Variants in LGR6 observed in about 807,000 individuals in gnomAD.
The protein encoded by LGR6 is leucine-rich repeat-containing G protein-coupled receptor 6.
Under a neutral mutation model 69.4 loss-of-function variants are expected in LGR6, and 45 were observed. That is an observed-to-expected ratio of 0.65 (90% CI 0.51 to 0.83). The LOEUF (loss-of-function observed/expected upper bound fraction) is 0.83, where lower values mean the gene tolerates loss of function less well. LGR6 is among the 40% of genes least tolerant of loss of function. LGR6 has a pLI of 0.00. For synonymous variants in LGR6, 538 were observed against 555.0 expected, an observed-to-expected ratio of 0.97 and a Z score of 0.43; for missense variants, 1,108 against 1,246.7, an observed-to-expected ratio of 0.89 and a Z score of 1.68.
intron 1 of LGR6, among the ~76,000 whole-genome samples, chr1:202,223,822 C>T (rs1387081008): frequency 2.1e-5 from 2 of 97,530 alleles, no homozygotes; most frequent in Non-Finnish European, 4.2e-5. Flanking sequence ...GTCCTGTGGG[C>T]AAGTGTCCCA....
At chr1:202,316,521 G>A (rs570614293) in intron 17 of LGR6, among the ~76,000 whole-genome samples, 36 of 152,294 alleles carry the variant, frequency 2.4e-4, no homozygotes, top group African/African-American at 8.7e-4. Context: ...TTCAGCATGA[G>A]TTTTGGTGCA....
chr1:202,293,869 T>C (rs1027823042), intron 6 of LGR6, among the ~76,000 whole-genome samples: 9 of 152,240 alleles, frequency 5.9e-5, no homozygotes, highest in African/African-American at 2.2e-4. Flanking sequence ...TGTCTTTTGC[T>C]ACTGTCTGTT....
chr1:202,312,445 C>G (rs1653817121), intron 16 of LGR6, among the ~76,000 whole-genome samples: 3 of 152,230 alleles, frequency 2.0e-5, no homozygotes, highest in Admixed American at 2.0e-4. Context: ...CCGACCTGCC[C>G]TGATGGTGTC....
chr1:202,235,722 C>A (rs1661486320), intron 3 of LGR6, among the ~76,000 whole-genome samples, 200 bp from the exon 4 acceptor site: 1 of 152,122 alleles, frequency 6.6e-6, no homozygotes, highest in Non-Finnish European at 1.5e-5. Flanking sequence ...GCCCCATGTA[C>A]AACACCCCAG....
chr1:202,197,869 G>A (rs1335146170), intron 1 of LGR6, among the ~76,000 whole-genome samples: 1 of 152,216 alleles, frequency 6.6e-6, no homozygotes, highest in East Asian at 1.9e-4. Context: ...GGGCCCGCAA[G>A]GCTGAGCAGT....
intron 11 of LGR6, among the ~76,000 whole-genome samples, chr1:202,304,880 G>A (rs1298464301): frequency 6.6e-6 from 1 of 152,200 alleles, no homozygotes; most frequent in African/African-American, 2.4e-5. Flanking sequence ...TAACATGGGA[G>A]TCAATTTGTA....
chr1:202,309,087 G>A lies in LGR6; in HGVS notation c.1317G>A (p.Leu439=), dbSNP rs748065988. 4.2e-5 allele frequency: 67 copies of A among 1,613,996 alleles called. No homozygotes were observed. Among genetic ancestry groups the A allele is most frequent in the Non-Finnish European group, 3.4e-6 (4 of 1,180,002 alleles). ...ACAACCAGCTGACCACACTGCCCCT[G>A]GCTGGACTTGGGGGCTTGATGCATC... is the stretch of plus-strand genomic sequence containing the variant. ...LTDNQLTTLP[L]AGLGGLMHLK... The change falls in exon 15 of 18, where the codon CTG becomes CTA. Residue 439 remains leucine, a synonymous_variant. Coordinates refer to ENST00000367278, the MANE Select transcript of LGR6 (RefSeq NM_001017403.2).
At chr1:202,230,509 T>C (rs1398102792) in intron 3 of LGR6, among the ~76,000 whole-genome samples, 2 of 152,212 alleles carry the variant, frequency 1.3e-5, no homozygotes, top group Non-Finnish European at 1.5e-5. Context: ...AGGGAAGCCA[T>C]GGCTCCCTCT....
chr1:202,275,058 C>G (rs2148157519), intron 4 of LGR6, among the ~76,000 whole-genome samples: 1 of 152,296 alleles, frequency 6.6e-6, no homozygotes, highest in Non-Finnish European at 1.5e-5. Context: ...ACTGCTGGAC[C>G]TTCTACAAGG....
intron 4 of LGR6, among the ~76,000 whole-genome samples, chr1:202,244,242 C>G (rs1662461272): frequency 6.6e-6 from 1 of 152,210 alleles, no homozygotes; most frequent in African/African-American, 2.4e-5. Context: ...CAGGCTTGAG[C>G]CACCACGCCC....
At position 202,318,650 on chromosome 1, in the gene LGR6, G is replaced by A. The variant is rs911550150; in HGVS notation, c.2347G>A (p.Gly783Arg). The part of the protein sequence containing the change: ...RHVAWLIFAD[G>R]LLYCPVAFLS... ...CGTGGCCTGGCTCATCTTCGCAGAC[G>A]GGCTCCTCTACTGTCCCGTGGCCTT... is the stretch of plus-strand genomic sequence containing the variant. Residue 783 changes from glycine to arginine, a missense_variant, in exon 18 of 18, where the codon GGG (glycine) becomes AGG (arginine). Transcript: ENST00000367278. 1 of 1,613,826 alleles carries A rather than the reference G, an allele frequency of 6.2e-7. No individual in the cohort carries two copies. The highest frequency in any genetic ancestry group is 1.7e-5 in the Admixed American group (1 of 60,024).
chr1:202,206,078 C>G (rs1004882866), intron 1 of LGR6, among the ~76,000 whole-genome samples: 2 of 152,266 alleles, frequency 1.3e-5, no homozygotes, highest in African/African-American at 4.8e-5. Flanking sequence ...CTCCCTTCCT[C>G]TCAGCTCCAG....
At chr1:202,285,020 T>G (rs910707745) in intron 6 of LGR6, among the ~76,000 whole-genome samples, 1 of 152,222 alleles carries the variant, frequency 6.6e-6, no homozygotes, top group Non-Finnish European at 1.5e-5. Context: ...CAGCTCTCTC[T>G]CTAAATCAGG....
intron 14 of LGR6, 87 bp from the exon 15 acceptor site, chr1:202,308,964 C>T: frequency 6.6e-7 from 1 of 1,518,428 alleles, no homozygotes; most frequent in Non-Finnish European, 9.0e-7. Context: ...GCTTCCATCC[C>T]AGGCACACTG....
intron 6 of LGR6, among the ~76,000 whole-genome samples, chr1:202,284,941 T>C (rs1228291584): frequency 6.6e-6 from 1 of 152,170 alleles, no homozygotes; most frequent in East Asian, 1.9e-4. Flanking sequence ...ACTGGAGCCC[T>C]GTGCTGGCTG....
At position 202,268,671 on chromosome 1, in the gene LGR6, C is replaced by T. The variant is rs992286057; in HGVS notation, c.429-7635C>T. 6.6e-6 allele frequency among the ~76,000 whole-genome samples: 1 copy of T among 152,168 alleles called. No individual in the cohort carries two copies. Among genetic ancestry groups the T allele is most frequent in the East Asian group, 1.9e-4 (1 of 5,190 alleles). On this transcript the variant is annotated intron_variant, in intron 4 of 17. Transcript: ENST00000367278. This position sits in a 1 kb window ranked among gnomAD's most constrained non-coding sequence, Gnocchi z 4.4. The stretch of plus-strand genomic sequence containing the variant: ...GGCCAGGAGCAAACAATCAGTAATC[C>T]TGTGTCAAATGAACTGTCTTTGTCC...
intron 4 of LGR6, among the ~76,000 whole-genome samples, chr1:202,243,813 C>A (rs920828245): frequency 8.5e-5 from 13 of 152,144 alleles, no homozygotes; most frequent in Non-Finnish European, 1.8e-4. Context: ...CTCAAGGAGT[C>A]ATTTTCTTGG....
At chr1:202,238,796 A>G (rs1571870276) in intron 4 of LGR6, among the ~76,000 whole-genome samples, 1 of 151,958 alleles carries the variant, frequency 6.6e-6, no homozygotes, top group East Asian at 1.9e-4. Flanking sequence ...ACTAGTATGA[A>G]TCAGGTGAAG....
At chr1:202,247,470 A>T (rs1317508719) in intron 4 of LGR6, among the ~76,000 whole-genome samples, 1 of 152,138 alleles carries the variant, frequency 6.6e-6, no homozygotes, top group Admixed American at 6.5e-5. Context: ...GGCCCTAAGG[A>T]CTTTCTGCAG....
Sources: gnomAD v4.1 joint callset for allele counts (sites outside exome capture counted in the v4.1 genomes callset) on GRCh38, gnomAD v4.1.1 for gene constraint, Gnocchi (gnomAD v3.1) non-coding constraint, MANE v1.5 for transcripts, NCBI Gene and HGNC (gene_info 2026-07-23, HGNC 2026-07-21) for gene names.